Variants in KRT83 observed in about 807,000 individuals in gnomAD.
KRT83 encodes keratin, type II cuticular Hb3.
In KRT83, 51 loss-of-function variants were observed where a neutral mutation model predicts 52.9. That is an observed-to-expected ratio of 0.96 (90% CI 0.77 to 1.22). The LOEUF is 1.22. Ranked by LOEUF, KRT83 falls within the 50% of genes most tolerant of loss-of-function variation. The pLI is 0.00. For synonymous variants in KRT83, 278 were observed against 274.1 expected (o/e 1.01, Z -0.14); for missense variants, 654 against 666.5 (o/e 0.98, Z 0.21).
rs1431967231 is a variant in KRT83 at position 52,317,969 on chromosome 12, A to G, written c.595T>C (p.Tyr199His). Residue 199 changes from tyrosine (Y) to histidine (H), a missense_variant and splice_region_variant, in exon 3 of 9, where the codon TAT becomes CAT. Transcript: ENST00000293670. The part of the protein sequence containing the change: ...QEVLEGYKKK[Y>H]EEEVALRATA... ...GCTCGAAGTGCTACTTCTTCTTCAT[A>G]CCTGAGGTGAGCAGGGAGAACAGGA... 2.5e-6 allele frequency: 4 copies of G among 1,613,738 alleles called. No individual in the cohort carries two copies. Among genetic ancestry groups the G allele is most frequent in the Non-Finnish European group, 3.4e-6 (4 of 1,179,842 alleles).
chr12:52,319,802 A>C (rs993568446), intron 1 of KRT83, among the ~76,000 whole-genome samples: 7 of 152,218 alleles, frequency 4.6e-5, no homozygotes, highest in Non-Finnish European at 7.3e-5. Context: ...CAAACTGTAA[A>C]AGTTGAAAAA....
At position 52,319,191 on chromosome 12, in the gene KRT83, G is replaced by T. The variant is rs3741715; in HGVS notation, c.558C>A (p.Asn186Lys). The change falls in exon 2 of 9, where the codon AAC becomes AAA. Residue 186 changes from asparagine to lysine, a missense_variant. Coordinates refer to ENST00000293670, the MANE Select transcript of KRT83 (RefSeq NM_002282.3). ...ADSGRLASELNHVQEVLEGYK... is the reference protein window; with the variant it reads ...ADSGRLASELKHVQEVLEGYK... ...AGCCCTCCAGCACCTCCTGCACGTG[G>T]TTGAGCTCTGAGGCCAGCCTCCCAC... 6.2e-7 allele frequency: 1 copy of T among 1,613,302 alleles called. No individual in the cohort carries two copies. The highest frequency in any genetic ancestry group is 1.1e-5 in the South Asian group (1 of 91,042).
intron 2 of KRT83, among the ~76,000 whole-genome samples, chr12:52,318,208 C>T (rs1411744334): frequency 6.6e-6 from 1 of 152,018 alleles, no homozygotes; most frequent in Non-Finnish European, 1.5e-5. Flanking sequence ...TGGAGTCTCG[C>T]TCTGTCGCCC....
intron 1 of KRT83, 96 bp downstream of exon 1, chr12:52,320,856 G>A: frequency 6.2e-7 from 1 of 1,610,828 alleles, no homozygotes; most frequent in Non-Finnish European, 8.5e-7. Flanking sequence ...AACTTCTGTG[G>A]GCAAGTTCTT....
intron 1 of KRT83, among the ~76,000 whole-genome samples, chr12:52,320,354 T>A (rs2852465): frequency 2.6e-5 from 4 of 151,960 alleles, no homozygotes; most frequent in Non-Finnish European, 5.9e-5. Flanking sequence ...CAAACTCTAG[T>A]TGGACACTGA....
rs541989746 is a variant in KRT83 at position 52,319,243 on chromosome 12, C to T, written c.506G>A (p.Arg169Gln). The T allele has an allele frequency of 1.7e-5, 28 of 1,613,912 alleles. No homozygotes were observed. In the South Asian group the frequency reaches 1.8e-4, roughly 10 times the overall value. ...LFAGYIETLR[R>Q]EAECVEADSG... ...GTCAGCCTCCACGCACTCGGCCTCC[C>T]GCCGCAGAGTCTCGATGTAGCCAGC... Residue 169 changes from arginine (R) to glutamine (Q), a missense_variant, in exon 2 of 9, where the codon CGG (arginine) becomes CAG (glutamine). Physicochemically the swap from Arg to Gln is conservative, Grantham distance 43 (BLOSUM62 1). Coordinates refer to ENST00000293670, the MANE Select transcript of KRT83 (RefSeq NM_002282.3).
At chr12:52,319,758 A>C (rs986603274) in intron 1 of KRT83, among the ~76,000 whole-genome samples, 5 of 152,258 alleles carry the variant, frequency 3.3e-5, no homozygotes, top group African/African-American at 1.2e-4. Context: ...CTGCTGTTCA[A>C]TCACACCAAG....
chr12:52,318,106 C>T (rs924040763), intron 2 of KRT83, 136 bp from the exon 3 acceptor site: 6 of 804,608 alleles, frequency 7.5e-6, no homozygotes, highest in Admixed American at 7.3e-5. Context: ...TGGGGCTCTG[C>T]AGGAACCAGG....
rs1938756377 is a variant in KRT83, at chr12:52,320,821, T to G, written c.384+131A>C. The G allele has an allele frequency of 2.5e-6, 4 of 1,570,374 alleles. No homozygotes were observed. The Middle Eastern group carries it at 6.7e-4, about 262-fold the overall frequency. On this transcript the variant is annotated intron_variant, in intron 1 of 8. Transcript: ENST00000293670. Reference sequence around the variant, plus strand: ...TCTTTCTGTCTGTGTCCTAGAAGTATGACTACCTTTCCCTTTGGCCTGGGA... The same window carrying G: ...TCTTTCTGTCTGTGTCCTAGAAGTAGGACTACCTTTCCCTTTGGCCTGGGA...
rs11611330 is a variant in KRT83, at chr12:52,316,253, A to G, written c.1042-140T>C. 414,845 of 1,110,462 alleles carry G rather than the reference A, an allele frequency of 0.37. 80,486 individuals carry two copies. The highest frequency in any genetic ancestry group is 0.49 in the African/African-American group (30,240 of 62,232). The allele number at this position is 1,110,462 out of a possible 1,614,324, so 68.8% of individuals were successfully genotyped here. A position where few individuals can be genotyped will look rare whatever the true frequency, so the allele number is the denominator to read the frequency against. On this transcript the variant is annotated intron_variant, in intron 6 of 8. Coordinates refer to ENST00000293670, the MANE Select transcript of KRT83 (RefSeq NM_002282.3). ...GCTTCCTAACCTTCCTTCCCTCCTCACTTACACTACACACACACACACACA... is the reference window on the plus strand; with the variant it reads ...GCTTCCTAACCTTCCTTCCCTCCTCGCTTACACTACACACACACACACACA...
chr12:52,314,794 A>G lies in KRT83; in HGVS notation c.1319T>C (p.Val440Ala). 1 of 1,606,814 alleles carries G rather than the reference A, an allele frequency of 6.2e-7. No homozygotes were observed. The change falls in exon 9 of 9, where the codon GTT becomes GCT. Residue 440 changes from valine (V) to alanine (A), a missense_variant. Val to Ala is a moderately conservative substitution (Grantham distance 64). Coordinates refer to ENST00000293670, the MANE Select transcript of KRT83 (RefSeq NM_002282.3). ...NVCVSSSRGG[V>A]VCGDLCVSGS... ...CGACACGCAGAGATCCCCGCACACA[A>G]CCCCACCCCGGGAGCTGCTGACACC...
chr12:52,320,456 C>G (rs1358173285), intron 1 of KRT83, among the ~76,000 whole-genome samples: 4 of 152,206 alleles, frequency 2.6e-5, no homozygotes, highest in African/African-American at 9.7e-5. Context: ...TTGCTCACCC[C>G]TGGATCCTGA....
intron 6 of KRT83, 124 bp from the exon 7 acceptor site, chr12:52,316,237 C>A: frequency 8.8e-7 from 1 of 1,131,402 alleles, no homozygotes; most frequent in Non-Finnish European, 1.2e-6. Flanking sequence ...AGCTTCCTAA[C>A]CTTCCTTCCC....
At position 52,315,913 on chromosome 12, in the gene KRT83, C is replaced by T. The variant is rs1828327648; in HGVS notation, c.1242G>A (p.Leu414=). Reference sequence around the variant, plus strand: ...CCCACCTCTGCTCCTCGCCCTCCAGCAGGCGCCTGTAGGTGGCGATCTCGA... The same window carrying T: ...CCCACCTCTGCTCCTCGCCCTCCAGTAGGCGCCTGTAGGTGGCGATCTCGA... ...LDIEIATYRR[L]LEGEEQRLCE... The change falls in exon 7 of 9, where the codon CTG becomes CTA. Residue 414 remains leucine, a synonymous_variant. Coordinates refer to ENST00000293670, the MANE Select transcript of KRT83 (RefSeq NM_002282.3). The T allele has an allele frequency of 6.2e-7, 1 of 1,612,634 alleles. No homozygotes were observed. The highest frequency in any genetic ancestry group is 1.3e-5 in the African/African-American group (1 of 75,010).
intron 8 of KRT83, among the ~76,000 whole-genome samples, 185 bp downstream of exon 8, chr12:52,315,127 A>C (rs1383264683): frequency 6.6e-6 from 1 of 152,032 alleles, no homozygotes; most frequent in South Asian, 2.1e-4. Context: ...CCCCTCCCCA[A>C]CACATTCAGG....
rs747188137 is a variant in KRT83 at position 52,321,267 on chromosome 12, G to T, written c.69C>A (p.Cys23Ter). Reference protein sequence around the residue: ...RPGNFSCVSACGPRPSRCCIT... With the variant: ...RPGNFSCVSA ...TGCAGCAGCGGCTTGGCCGGGGCCC[G>T]CAGGCAGAGACACAGCTGAAGTTTC... is the stretch of plus-strand genomic sequence containing the variant. The change falls in exon 1 of 9, where the codon TGC becomes TGA. Residue 23 changes from cysteine (C) to a stop codon, truncating the protein, a stop_gained. Transcript: ENST00000293670. LOFTEE classifies it high-confidence loss of function. 4 of 1,613,520 alleles carry T rather than the reference G, an allele frequency of 2.5e-6. No individual in the cohort carries two copies. The highest frequency in any genetic ancestry group is 1.1e-5 in the South Asian group (1 of 91,088).
rs989789278 is a variant in KRT83, at chr12:52,317,085, G to A, written c.751-62C>T. 8.7e-6 allele frequency: 14 copies of A among 1,608,070 alleles called. No individual in the cohort carries two copies. In the African/African-American group the frequency reaches 1.9e-4, roughly 21 times the overall value. On this transcript the variant is annotated intron_variant, in intron 4 of 8. Coordinates refer to ENST00000293670, the MANE Select transcript of KRT83 (RefSeq NM_002282.3). ...TCTGGGCTTCTCCTAATCCCTGGAT[G>A]CCTATCATCCTTTTGGCTCATCGGG... is the stretch of plus-strand genomic sequence containing the variant.
In KRT83 at chr12:52,314,341, C is replaced by T. The variant is rs114956210; in HGVS notation, c.*290G>A. ...TATTGGAAAAGGGGAGACAAGAGGC[C>T]AGAGAGGCAGGGGGAACAGTCTCAC... On this transcript the variant is annotated 3_prime_UTR_variant, in exon 9 of 9. Coordinates refer to ENST00000293670, the MANE Select transcript of KRT83 (RefSeq NM_002282.3). The T allele has an allele frequency of 3.2e-4, 167 of 514,954 alleles. 1 individual carries two copies. Among genetic ancestry groups the T allele is most frequent in the African/African-American group, 3.0e-3 (159 of 52,152 alleles). The allele number at this position is 514,954 out of a possible 1,614,324, so 31.9% of individuals were successfully genotyped here. A position where few individuals can be genotyped will look rare whatever the true frequency, so the allele number is the denominator to read the frequency against.
At position 52,316,930 on chromosome 12, in the gene KRT83, C is replaced by T. The variant is rs376193228; in HGVS notation, c.844G>A (p.Glu282Lys). The stretch of plus-strand genomic sequence containing the variant: ...ATGTCATCATACTGTGCCTTGATCT[C>T]GGCAACGATGCAGTCCATGTTCAGG... ...RDLNMDCIVA[E>K]IKAQYDDIAT... is the part of the protein sequence containing the mutation. Residue 282 changes from glutamate to lysine, a missense_variant, in exon 5 of 9, where the codon GAG becomes AAG. Coordinates refer to ENST00000293670, the MANE Select transcript of KRT83 (RefSeq NM_002282.3). 101 of 1,614,172 alleles carry T rather than the reference C, an allele frequency of 6.3e-5. No homozygotes were observed. The African/African-American group carries it at 1.0e-3, about 16-fold the overall frequency.
Sources: allele counts gnomAD v4.1 joint callset (sites outside exome capture counted in the v4.1 genomes callset), GRCh38; gene constraint gnomAD v4.1.1; transcripts MANE v1.5; gene names NCBI Gene and HGNC (gene_info 2026-07-23, HGNC 2026-07-21).